H2BN1: variants seen among roughly 807,000 people sequenced by gnomAD.
H2BN1 encodes histone H2B.N.
chr17:32,895,499 A>G, the H2BN1 span, among the ~76,000 whole-genome samples: 307 of 152,314 alleles, frequency 2.0e-3, no homozygotes, highest in African/African-American at 7.1e-3. Flanking sequence ...TTTCCCAGTC[A>G]AAAAGAAGCA....
At chr17:32,902,484 T>C in the H2BN1 span, among the ~76,000 whole-genome samples, 67 of 152,224 alleles carry the variant, frequency 4.4e-4, no homozygotes, top group Non-Finnish European at 8.7e-4. Context: ...TTAGGAGTTA[T>C]GGTAATCTTA....
chr17:32,896,666 A>G, the H2BN1 span, among the ~76,000 whole-genome samples: 2 of 152,184 alleles, frequency 1.3e-5, no homozygotes, highest in African/African-American at 4.8e-5. Flanking sequence ...ATGTGTAGTG[A>G]GGATATATAG....
the H2BN1 span, among the ~76,000 whole-genome samples, chr17:32,903,317 C>T: frequency 2.0e-5 from 3 of 151,898 alleles, no homozygotes; most frequent in African/African-American, 7.3e-5. Context: ...TCTTAACAAC[C>T]TGTTTTATTA....
At chr17:32,895,932 C>T in the H2BN1 span, among the ~76,000 whole-genome samples, 1 of 152,154 alleles carries the variant, frequency 6.6e-6, no homozygotes, top group Non-Finnish European at 1.5e-5. Flanking sequence ...GGGTCTTGCT[C>T]TGTCACCCAG....
chr17:32,901,136 G>T, the H2BN1 span, among the ~76,000 whole-genome samples: 1 of 152,078 alleles, frequency 6.6e-6, no homozygotes, highest in African/African-American at 2.4e-5. Context: ...TGAACCAGGA[G>T]GCAGAGGTTG....
At chr17:32,897,961 T>C in the H2BN1 span, among the ~76,000 whole-genome samples, 383 of 152,316 alleles carry the variant, frequency 2.5e-3, 1 homozygote, top group African/African-American at 8.3e-3. Context: ...TCCACTTCTG[T>C]TAGGAAAAAC....
At chr17:32,904,352 A>G in the H2BN1 span, among the ~76,000 whole-genome samples, 1 of 152,226 alleles carries the variant, frequency 6.6e-6, no homozygotes, top group African/African-American at 2.4e-5. Context: ...TCTCCGAACT[A>G]GAATTAGGCT....
chr17:32,897,118 G>A, the H2BN1 span, among the ~76,000 whole-genome samples: 1 of 152,188 alleles, frequency 6.6e-6, no homozygotes, highest in Non-Finnish European at 1.5e-5. Context: ...TAAATGTATT[G>A]AGTGTCTAAG....
At chr17:32,901,780 G>T in the H2BN1 span, among the ~76,000 whole-genome samples, 1 of 152,162 alleles carries the variant, frequency 6.6e-6, no homozygotes, top group African/African-American at 2.4e-5. Context: ...GCTAAAAAAA[G>T]TTAAAATCTC....
the H2BN1 span, among the ~76,000 whole-genome samples, chr17:32,896,503 C>T: frequency 0.33 from 50,496 of 152,006 alleles, 8,623 homozygotes; most frequent in Admixed American, 0.41. Context: ...CTGAATTTTA[C>T]GCCTTCATGA....
the H2BN1 span, among the ~76,000 whole-genome samples, chr17:32,897,368 C>CACACACAG: frequency 6.7e-6 from 1 of 148,728 alleles, no homozygotes; most frequent in Non-Finnish European, 1.5e-5. Context: ...TACACACACA[C>CACACACAG]ACACACACAC....
chr17:32,902,410 G>C, the H2BN1 span, among the ~76,000 whole-genome samples: 9 of 152,264 alleles, frequency 5.9e-5, no homozygotes, highest in South Asian at 1.9e-3. Context: ...AAACAAAGAT[G>C]ATAACAAACC....
At chr17:32,901,290 T>C in the H2BN1 span, among the ~76,000 whole-genome samples, 8 of 152,168 alleles carry the variant, frequency 5.3e-5, no homozygotes, top group South Asian at 1.7e-3. Flanking sequence ...AGTCAGTTAA[T>C]GTTTCAAAAA....
chr17:32,896,089 T>A, the H2BN1 span, among the ~76,000 whole-genome samples: 1 of 152,016 alleles, frequency 6.6e-6, no homozygotes, highest in Non-Finnish European at 1.5e-5. Context: ...TTAGTGGGTT[T>A]TTATTTTTTT....
At chr17:32,897,590 G>A in the H2BN1 span, among the ~76,000 whole-genome samples, 1 of 152,186 alleles carries the variant, frequency 6.6e-6, no homozygotes, top group Non-Finnish European at 1.5e-5. Flanking sequence ...ACGGCAGAGA[G>A]TGCCAATGTT....
chr17:32,899,006 C>G, the H2BN1 span, among the ~76,000 whole-genome samples: 2 of 151,914 alleles, frequency 1.3e-5, no homozygotes, highest in African/African-American at 4.8e-5. Flanking sequence ...AGACTTGTAG[C>G]CAAGAAAAAT....
the H2BN1 span, among the ~76,000 whole-genome samples, chr17:32,898,687 G>C: frequency 7.2e-5 from 11 of 152,128 alleles, no homozygotes; most frequent in Non-Finnish European, 1.5e-4. Context: ...GAGTTACTAG[G>C]AAAGTTCATT....
At chr17:32,901,425 C>T in the H2BN1 span, among the ~76,000 whole-genome samples, 1 of 152,098 alleles carries the variant, frequency 6.6e-6, no homozygotes, top group Admixed American at 6.6e-5. Flanking sequence ...TTAAAAATCT[C>T]ACATATTCAC....
the H2BN1 span, among the ~76,000 whole-genome samples, chr17:32,897,068 T>C: frequency 3.3e-5 from 5 of 152,290 alleles, no homozygotes; most frequent in South Asian, 8.3e-4. Context: ...GGAGTCACTG[T>C]CTCAGGGCAC....
Sources: allele counts gnomAD v4.1 joint callset (sites outside exome capture counted in the v4.1 genomes callset), GRCh38; gene constraint gnomAD v4.1.1; transcripts MANE v1.5; gene names NCBI Gene and HGNC (gene_info 2026-07-23, HGNC 2026-07-21).